Variants in CTNNA2 observed in about 807,000 individuals in gnomAD.
The protein encoded by CTNNA2 is catenin alpha 2.
A neutral mutation model predicts 101.0 loss-of-function variants in CTNNA2; 42 were observed. The ratio of observed to expected loss-of-function variants is 0.42; its 90% confidence interval spans 0.32 to 0.54. The LOEUF is 0.54. CTNNA2 is among the 20% of genes least tolerant of loss of function. CTNNA2 has a pLI of 0.14. For synonymous variants in CTNNA2, 450 were observed against 456.4 expected, an observed-to-expected ratio of 0.99 and a Z score of 0.18; for missense variants, 871 against 1,223.1, an observed-to-expected ratio of 0.71 and a Z score of 4.29.
At chr2:79,667,452 T>G (rs1262744119) in intron 2 of CTNNA2, among the ~76,000 whole-genome samples, 2 of 152,198 alleles carry the variant, frequency 1.3e-5, no homozygotes, top group East Asian at 3.9e-4. Flanking sequence ...TTTTTGCTCT[T>G]TAGCATGTAT....
At chr2:80,552,495 AT>A (rs1333114597) in intron 11 of CTNNA2, among the ~76,000 whole-genome samples, 2 of 152,194 alleles carry the variant, frequency 1.3e-5, no homozygotes, top group Non-Finnish European at 2.9e-5. Flanking sequence ...ACTGTGACTC[AT>A]TTTTTCATAA....
intron 7 of CTNNA2, among the ~76,000 whole-genome samples, chr2:80,129,187 G>A (rs1259252590): frequency 6.6e-6 from 1 of 152,188 alleles, no homozygotes; most frequent in East Asian, 1.9e-4. Flanking sequence ...TGGATGGACA[G>A]AAAGAAAGAA....
intron 9 of CTNNA2, among the ~76,000 whole-genome samples, chr2:80,529,204 T>C (rs770484537): frequency 7.9e-5 from 12 of 152,174 alleles, no homozygotes; most frequent in Non-Finnish European, 1.2e-4. Context: ...ATTTTCAGAT[T>C]TGTAGGCCAC....
At chr2:79,801,239 C>A (rs936076306) in intron 3 of CTNNA2, among the ~76,000 whole-genome samples, 3 of 152,136 alleles carry the variant, frequency 2.0e-5, no homozygotes, top group Non-Finnish European at 4.4e-5. Context: ...GACCAGCTTC[C>A]CACAGATGGA....
At chr2:79,428,192 T>A (rs1007644256) in intron 4 of CTNNA2, among the ~76,000 whole-genome samples, 1 of 152,086 alleles carries the variant, frequency 6.6e-6, no homozygotes, top group African/African-American at 2.4e-5. Context: ...ACAGTTTAGC[T>A]CCCTTTGTGT....
At chr2:80,634,731 G>C (rs2149838766) in intron 18 of CTNNA2, among the ~76,000 whole-genome samples, 1 of 152,232 alleles carries the variant, frequency 6.6e-6, no homozygotes, top group African/African-American at 2.4e-5. Flanking sequence ...TGGCCAAGTG[G>C]ATAAGAGTGA....
intron 9 of CTNNA2, among the ~76,000 whole-genome samples, chr2:80,523,682 G>A (rs1398199768): frequency 6.6e-6 from 1 of 152,180 alleles, no homozygotes; most frequent in African/African-American, 2.4e-5. Flanking sequence ...CTTGCACACA[G>A]GAGGGGCTGG....
chr2:79,520,357 T>G (rs1672036863), intron 1 of CTNNA2, among the ~76,000 whole-genome samples: 1 of 152,206 alleles, frequency 6.6e-6, no homozygotes, highest in Admixed American at 6.5e-5. Flanking sequence ...CTTTTTGCAT[T>G]GAGCATAATG....
At chr2:79,295,526 T>A (rs1354270522) in intron 2 of CTNNA2, among the ~76,000 whole-genome samples, 1 of 151,946 alleles carries the variant, frequency 6.6e-6, no homozygotes, top group Non-Finnish European at 1.5e-5. Context: ...TTCTTTCTTT[T>A]TTTTTTATTT....
intron 7 of CTNNA2, among the ~76,000 whole-genome samples, chr2:80,256,263 A>C (rs1306951071): frequency 6.6e-6 from 1 of 151,992 alleles, no homozygotes; most frequent in African/African-American, 2.4e-5. Flanking sequence ...CATCACAAAA[A>C]TATATACACG....
intron 2 of CTNNA2, among the ~76,000 whole-genome samples, chr2:79,260,925 C>T (rs1014607930): frequency 2.6e-5 from 4 of 152,226 alleles, no homozygotes; most frequent in Middle Eastern, 3.4e-3. Context: ...CATCCTCCCC[C>T]GCAATTCCTT....
intron 3 of CTNNA2, among the ~76,000 whole-genome samples, chr2:79,320,388 C>T (rs1406856506): frequency 6.6e-6 from 1 of 151,400 alleles, no homozygotes; most frequent in East Asian, 2.0e-4. Context: ...CCCCACATAC[C>T]AAATGCCCCT....
intron 15 of CTNNA2, among the ~76,000 whole-genome samples, chr2:80,594,393 A>C (rs1196141741): frequency 2.0e-5 from 3 of 151,932 alleles, no homozygotes; most frequent in Non-Finnish European, 4.4e-5. Flanking sequence ...TCCGGATATT[A>C]ATTTCTTATC....
Position 80,232,363 on chromosome 2 carries a change from T to G in CTNNA2, c.1057-160848T>G, listed in dbSNP as rs1341925205. On this transcript the variant is annotated intron_variant, in intron 7 of 18. Coordinates refer to ENST00000402739, the MANE Select transcript of CTNNA2 (RefSeq NM_001282597.3). ...TTTGTTTGTTTTTTTTTTTTTTTTT[T>G]TTTTTTTTTTTTTTTTTTTTTTTTT... 8.4e-3 allele frequency among the ~76,000 whole-genome samples: 474 copies of G among 56,370 alleles called. 9 individuals carry two copies. The highest frequency in any genetic ancestry group is 0.016 in the African/African-American group (434 of 26,666). 37.0% of individuals were successfully genotyped at this position (56,370 alleles called of 152,430 possible).
chr2:79,402,406 G>A (rs1678299848), intron 4 of CTNNA2, among the ~76,000 whole-genome samples: 1 of 151,764 alleles, frequency 6.6e-6, no homozygotes, highest in Non-Finnish European at 1.5e-5. Flanking sequence ...GACTCCCAGT[G>A]GTTGCCTGAA....
chr2:79,742,312 G>A (rs996454031), intron 2 of CTNNA2, among the ~76,000 whole-genome samples: 1 of 151,862 alleles, frequency 6.6e-6, no homozygotes, highest in Non-Finnish European at 1.5e-5. Context: ...AAAATTAATA[G>A]CTCCTCTCCA....
At chr2:79,498,657 A>T (rs892776967) in intron 4 of CTNNA2, among the ~76,000 whole-genome samples, 1 of 152,172 alleles carries the variant, frequency 6.6e-6, no homozygotes, top group Non-Finnish European at 1.5e-5. Flanking sequence ...ATTAAATTCT[A>T]TCTGCATATT....
chr2:80,306,128 A>G (rs1676919055), intron 7 of CTNNA2, among the ~76,000 whole-genome samples: 2 of 152,178 alleles, frequency 1.3e-5, no homozygotes, highest in Non-Finnish European at 2.9e-5. Flanking sequence ...GAACAGGGGC[A>G]TGAATCATTC....
At position 79,499,946 on chromosome 2, in the gene CTNNA2, C is replaced by T. The variant is rs574803409; in HGVS notation, c.-134-5108C>T. 5.3e-5 allele frequency among the ~76,000 whole-genome samples: 8 copies of T among 152,328 alleles called. 1 individual carries two copies. The South Asian group carries it at 1.0e-3, about 20-fold the overall frequency. ...CAGCCTGGAGACCCAGGACAGCCGA[C>T]GGTACAGACAAATTTTGAATGCCAT... On this transcript the variant is annotated intron_variant, in intron 4 of 21. Transcript: ENST00000466387.
Sources: allele counts gnomAD v4.1 joint callset (sites outside exome capture counted in the v4.1 genomes callset), GRCh38; gene constraint gnomAD v4.1.1; transcripts MANE v1.5; gene names NCBI Gene and HGNC (gene_info 2026-07-23, HGNC 2026-07-21).